ZNF341: variants seen among roughly 807,000 people sequenced by gnomAD.
ZNF341 encodes the protein zinc finger protein 341.
A neutral mutation model predicts 87.7 loss-of-function variants in ZNF341; 52 were observed. The ratio of observed to expected loss-of-function variants is 0.59; its 90% CI spans 0.47 to 0.75. The LOEUF (loss-of-function observed/expected upper bound fraction) is 0.75. Among genes scored for constraint, ZNF341 ranks in the 30% least tolerant of loss-of-function variants. ZNF341 has a pLI of 0.00. For missense variants in ZNF341, 977 were observed against 1,145.9 expected, an observed-to-expected ratio of 0.85 and a Z score of 2.13; for synonymous variants, 459 against 472.7, an observed-to-expected ratio of 0.97 and a Z score of 0.38.
intron 1 of ZNF341, among the ~76,000 whole-genome samples, chr20:33,739,540 C>T (rs1275831957): frequency 2.0e-5 from 3 of 152,164 alleles, no homozygotes; most frequent in South Asian, 2.1e-4. Flanking sequence ...GTCAGTTTCT[C>T]GATCCCCCAG....
chr20:33,788,484 A>T (rs1408211980), intron 12 of ZNF341: 1 of 279,180 alleles, frequency 3.6e-6, no homozygotes, highest in East Asian at 8.8e-5. Flanking sequence ...TCCCATGCGG[A>T]CCTGGCTGGC....
At position 33,741,779 on chromosome 20, in the gene ZNF341, T is replaced by G. The variant is rs530791268; in HGVS notation, c.142+767T>G. 2.9e-4 allele frequency among the ~76,000 whole-genome samples: 44 copies of G among 152,348 alleles called. No individual in the cohort carries two copies. The East Asian group carries it at 8.5e-3, about 29-fold the overall frequency. ...TCATTCCACAAACATTTTTGTGTAC[T>G]TGGGAATCACACTAGGGGCAGGGAG... On this transcript the variant is annotated intron_variant, in intron 2 of 14. Transcript: ENST00000375200.
chr20:33,761,974 G>A lies in ZNF341; in HGVS notation c.1141G>A (p.Gly381Ser), dbSNP rs2019303148. Residue 381 changes from glycine to serine, a missense_variant, in exon 8 of 15, where the codon GGT becomes AGT. Transcript: ENST00000375200. ...THKVWPPGHS[G>S]GTVSRNSVTV... ...CAAGGTGTGGCCTCCAGGACACAGT[G>A]GTGGCACCGTGTCTCGAAACTCTGT... is the stretch of plus-strand genomic sequence containing the variant. The A allele has an allele frequency of 1.9e-6, 3 of 1,607,670 alleles. No homozygotes were observed. The highest frequency in any genetic ancestry group is 2.2e-5 in the South Asian group (2 of 90,390).
rs965162840 is a variant in ZNF341, at chr20:33,747,499, C to T, written c.340-1424C>T. ...GCGTAGTGGCGGGCGCCTGTAGTCC[C>T]AGCTACTTGGGAGGCTGAGGCAGGA... is the stretch of plus-strand genomic sequence containing the variant. On this transcript the variant is annotated intron_variant, in intron 3 of 14. Transcript: ENST00000375200. Among the ~76,000 whole-genome samples the T allele has an allele frequency of 1.4e-3, 193 of 142,278 alleles. 1 individual carries two copies. The highest frequency in any genetic ancestry group is 3.6e-3 in the Middle Eastern group (1 of 278). The allele number at this position is 142,278 out of a possible 152,430, so 93.3% of individuals were successfully genotyped here. A position where few individuals can be genotyped will look rare whatever the true frequency, so the allele number is the denominator to read the frequency against.
chr20:33,784,707 C>G (rs1243321602), intron 12 of ZNF341, among the ~76,000 whole-genome samples: 1 of 151,802 alleles, frequency 6.6e-6, no homozygotes, highest in Admixed American at 6.6e-5. Context: ...CTCTGCCTCC[C>G]GGGTTCAAGT....
intron 7 of ZNF341, among the ~76,000 whole-genome samples, chr20:33,759,171 T>A (rs777874682): frequency 6.6e-6 from 1 of 152,216 alleles, no homozygotes; most frequent in African/African-American, 2.4e-5. Context: ...CTCTGTGAGC[T>A]CTCTGCTCAC....
At chr20:33,750,293 G>A (rs1170573652) in intron 4 of ZNF341, among the ~76,000 whole-genome samples, 1 of 152,154 alleles carries the variant, frequency 6.6e-6, no homozygotes, top group Non-Finnish European at 1.5e-5. Context: ...GTGGCCAAAG[G>A]AACCTAAGGT....
chr20:33,735,568 T>C (rs564388998), intron 1 of ZNF341, among the ~76,000 whole-genome samples: 26 of 152,118 alleles, frequency 1.7e-4, no homozygotes, highest in Non-Finnish European at 3.7e-4. Flanking sequence ...TCCTCCTGCA[T>C]TGACTTCCCA....
At chr20:33,748,256 G>T (rs1422871858) in intron 3 of ZNF341, among the ~76,000 whole-genome samples, 1 of 151,870 alleles carries the variant, frequency 6.6e-6, no homozygotes. Flanking sequence ...ATTTTTAGTA[G>T]AGATGGGGTT....
chr20:33,764,209 G>T (rs540307088), intron 8 of ZNF341, among the ~76,000 whole-genome samples: 1 of 149,974 alleles, frequency 6.7e-6, no homozygotes, highest in Non-Finnish European at 1.5e-5. Flanking sequence ...TGTATTTTTA[G>T]TAGAGAACGG....
chr20:33,782,577 G>A (rs1447052076), intron 11 of ZNF341, among the ~76,000 whole-genome samples: 1 of 152,220 alleles, frequency 6.6e-6, no homozygotes. Flanking sequence ...AAGATACCAT[G>A]AATTGAGCAA....
chr20:33,743,801 A>G (rs182769968), intron 2 of ZNF341, among the ~76,000 whole-genome samples: 2 of 152,340 alleles, frequency 1.3e-5, no homozygotes, highest in Admixed American at 1.3e-4. Context: ...TTAATCATTC[A>G]TTTAGTTTTT....
chr20:33,791,691 TCC>T lies in ZNF341; in HGVS notation c.*175_*176del. 1.4e-6 allele frequency: 1 copy of T among 717,502 alleles called. No homozygotes were observed. The highest frequency in any genetic ancestry group is 2.2e-6 in the Non-Finnish European group (1 of 461,922). 44.4% of individuals were successfully genotyped at this position (717,502 alleles called of 1,614,324 possible). A position where few individuals can be genotyped will look rare whatever the true frequency, so the allele number is the denominator to read the frequency against. Reference sequence around the variant, plus strand: ...CCATGGTCGCCCTCCTGTGCCCCTCTCCTGCCGGAAAGCCCTGCAACATTCTA... The same window carrying T: ...CCATGGTCGCCCTCCTGTGCCCCTCTTGCCGGAAAGCCCTGCAACATTCTA... On this transcript the variant is annotated 3_prime_UTR_variant, in exon 15 of 15. Coordinates refer to ENST00000375200, the MANE Select transcript of ZNF341 (RefSeq NM_001282933.2).
At chr20:33,779,511 C>T (rs762042726) in intron 10 of ZNF341, among the ~76,000 whole-genome samples, 6 of 145,336 alleles carry the variant, frequency 4.1e-5, no homozygotes, top group South Asian at 2.1e-4. Context: ...AGTGCAGTAG[C>T]GTGATCTCAG....
At chr20:33,764,558 TATA>T (rs1450093695) in intron 8 of ZNF341, among the ~76,000 whole-genome samples, 2 of 81,502 alleles carry the variant, frequency 2.5e-5, no homozygotes, top group Non-Finnish European at 4.5e-5. Flanking sequence ...TATATATATA[TATA>T]TTTTTTTTTT....
chr20:33,739,776 GTTAT>G (rs1206379119), intron 1 of ZNF341, among the ~76,000 whole-genome samples: 8 of 152,166 alleles, frequency 5.3e-5, no homozygotes, highest in Non-Finnish European at 2.9e-5. Context: ...AGGCTGGAAG[GTTAT>G]TTCTTTCACA....
chr20:33,777,811 T>A (rs1359754343), intron 10 of ZNF341, among the ~76,000 whole-genome samples: 1 of 152,192 alleles, frequency 6.6e-6, no homozygotes, highest in Non-Finnish European at 1.5e-5. Flanking sequence ...GTCATGTCTC[T>A]CTCGTCTCTC....
chr20:33,751,743 G>A (rs1293036300), intron 4 of ZNF341, among the ~76,000 whole-genome samples: 3 of 151,898 alleles, frequency 2.0e-5, no homozygotes, highest in African/African-American at 7.3e-5. Flanking sequence ...CCTGGCTAAT[G>A]TTTTTGTATT....
intron 12 of ZNF341, chr20:33,788,638 C>A: frequency 1.8e-6 from 1 of 559,916 alleles, no homozygotes; most frequent in Non-Finnish European, 3.2e-6. Flanking sequence ...CCTGAGGTCT[C>A]TCCTCATGCA....
Sources: gnomAD v4.1 joint callset for allele counts (sites outside exome capture counted in the v4.1 genomes callset) on GRCh38, gnomAD v4.1.1 for gene constraint, MANE v1.5 for transcripts, NCBI Gene and HGNC (gene_info 2026-07-23, HGNC 2026-07-21) for gene names.